Variants in GRIK1 observed in about 807,000 individuals in gnomAD.
GRIK1 encodes glutamate receptor ionotropic, kainate 1.
Under a neutral mutation model 105.7 loss-of-function variants are expected in GRIK1, and 69 were observed. The ratio of observed to expected loss-of-function variants is 0.65; its 90% CI spans 0.54 to 0.80. GRIK1 has a LOEUF of 0.80. GRIK1 is among the 30% of genes least tolerant of loss of function. The probability of loss-of-function intolerance (pLI) is 0.00; values close to 1 mark genes in which losing one functional copy is unlikely to be tolerated. For synonymous variants in GRIK1, 438 were observed against 431.3 expected (o/e 1.02, Z -0.19); for missense variants, 1,109 against 1,167.3 (o/e 0.95, Z 0.73).
At chr21:29,910,097 C>G (rs546009357) in intron 1 of GRIK1, among the ~76,000 whole-genome samples, 17 of 152,166 alleles carry the variant, frequency 1.1e-4, no homozygotes, top group Admixed American at 2.6e-4. Context: ...AAACTCCATT[C>G]TCTGTGATAT....
intron 7 of GRIK1, among the ~76,000 whole-genome samples, chr21:29,630,286 C>T (rs920767128): frequency 1.3e-5 from 2 of 152,116 alleles, no homozygotes; most frequent in African/African-American, 4.8e-5. Context: ...CTGAGATGAA[C>T]CTCTGTGACC....
At chr21:29,812,922 T>G (rs1187926476) in intron 1 of GRIK1, among the ~76,000 whole-genome samples, 2 of 152,104 alleles carry the variant, frequency 1.3e-5, no homozygotes, top group Non-Finnish European at 2.9e-5. Context: ...ACAAACATAA[T>G]GAATAGGGTT....
At chr21:29,811,712 G>T (rs759131100) in intron 1 of GRIK1, among the ~76,000 whole-genome samples, 1 of 152,068 alleles carries the variant, frequency 6.6e-6, no homozygotes, top group Non-Finnish European at 1.5e-5. Flanking sequence ...AAATCCTCCC[G>T]TGACTTCCTA....
At chr21:29,772,162 T>C (rs1234672925) in intron 1 of GRIK1, among the ~76,000 whole-genome samples, 1 of 152,180 alleles carries the variant, frequency 6.6e-6, no homozygotes, top group Non-Finnish European at 1.5e-5. Flanking sequence ...TCTTTCGAAA[T>C]GGAAATGTTT....
intron 1 of GRIK1, among the ~76,000 whole-genome samples, chr21:29,807,107 TG>T (rs1569114611): frequency 4.6e-5 from 7 of 152,190 alleles, no homozygotes; most frequent in Non-Finnish European, 7.3e-5. Context: ...CAGAACAGTG[TG>T]TTCACAATCA....
intron 14 of GRIK1, among the ~76,000 whole-genome samples, chr21:29,564,719 A>T (rs1405561559): frequency 6.6e-6 from 1 of 152,180 alleles, no homozygotes; most frequent in Non-Finnish European, 1.5e-5. Context: ...ACGAATATGT[A>T]GGTCATACCA....
chr21:29,848,779 A>ATATATATATATATATTT, intron 1 of GRIK1, among the ~76,000 whole-genome samples: 9 of 77,864 alleles, frequency 1.2e-4, no homozygotes, highest in African/African-American at 5.3e-4. Context: ...ATATATATAT[A>ATATATATATATATATTT]TTTTTTTTTT....
At chr21:29,704,737 G>A (rs1406052570) in intron 1 of GRIK1, among the ~76,000 whole-genome samples, 1 of 152,156 alleles carries the variant, frequency 6.6e-6, no homozygotes. Flanking sequence ...CTTTTTAGCA[G>A]TGATTTCTCA....
Position 29,828,011 on chromosome 21 carries a change from CTG to C in GRIK1, c.118+111370_118+111371del, listed in dbSNP as rs138594747. Among the ~76,000 whole-genome samples, 137 of 76,222 alleles carry C rather than the reference CTG, an allele frequency of 1.8e-3. 1 individual carries two copies. Among genetic ancestry groups the C allele is most frequent in the Middle Eastern group, 9.3e-3 (1 of 108 alleles). The allele number at this position is 76,222 out of a possible 152,430, so 50.0% of individuals were successfully genotyped here. A position where few individuals can be genotyped will look rare whatever the true frequency, so the allele number is the denominator to read the frequency against. ...TCTCTCTCTCTCTCTCTGTCTCTCT[CTG>C]TGTGTGTGTGTGTGTGTGTGTGGGT... On this transcript the variant is annotated intron_variant, in intron 1 of 17. Coordinates refer to ENST00000327783, the MANE Select transcript of GRIK1 (RefSeq NM_001330994.2).
At chr21:29,739,966 A>G (rs1214255880) in intron 1 of GRIK1, among the ~76,000 whole-genome samples, 1 of 152,218 alleles carries the variant, frequency 6.6e-6, no homozygotes, top group Non-Finnish European at 1.5e-5. Context: ...TGCAACACAC[A>G]TGCACATGCA....
intron 7 of GRIK1, among the ~76,000 whole-genome samples, chr21:29,638,423 T>C (rs1469425193): frequency 6.6e-6 from 1 of 152,080 alleles, no homozygotes; most frequent in Non-Finnish European, 1.5e-5. Flanking sequence ...AGATTATGGG[T>C]ACCCCACTCC....
Position 29,693,914 on chromosome 21 carries a change from A to C in GRIK1, c.268T>G (p.Phe90Val). The change falls in exon 2 of 18, where the codon TTT becomes GTT. Residue 90 changes from phenylalanine (F) to valine (V), a missense_variant. Coordinates refer to ENST00000327783, the MANE Select transcript of GRIK1 (RefSeq NM_001330994.2). ...DIQRINLFDS[F>V]EASRRACDQL... ...TAGTTACCTCTCCGCGAGGCTTCAA[A>C]ACTATCAAAAAGGTTAATTCTCTGG... The C allele has an allele frequency of 6.2e-7, 1 of 1,613,262 alleles. No individual in the cohort carries two copies. The highest frequency in any genetic ancestry group is 8.5e-7 in the Non-Finnish European group (1 of 1,179,410).
intron 8 of GRIK1, among the ~76,000 whole-genome samples, chr21:29,597,877 A>C (rs999114978): frequency 3.3e-5 from 5 of 152,322 alleles, no homozygotes; most frequent in Middle Eastern, 3.4e-3. Context: ...TGGTTAACAA[A>C]AGCAAGAAAA....
At chr21:29,889,910 A>G (rs548365302) in intron 1 of GRIK1, among the ~76,000 whole-genome samples, 41 of 152,206 alleles carry the variant, frequency 2.7e-4, no homozygotes, top group Non-Finnish European at 4.9e-4. Flanking sequence ...AATTATAAAA[A>G]TTAATAATAT....
chr21:29,624,974 G>A (rs929630734), intron 7 of GRIK1, among the ~76,000 whole-genome samples: 1 of 152,184 alleles, frequency 6.6e-6, no homozygotes, highest in Non-Finnish European at 1.5e-5. Context: ...ACTACCTCCT[G>A]TTCCTCAGGG....
Position 29,552,832 on chromosome 21 carries a change from G to A in GRIK1, c.2607+2220C>T, listed in dbSNP as rs73897700. On this transcript the variant is annotated intron_variant, in intron 16 of 17. Coordinates refer to ENST00000327783, the MANE Select transcript of GRIK1 (RefSeq NM_001330994.2). ...TTCTACAAGTAAATGTTATTTGAGAGTTTGAGGTTAATGAATTTCTGCCCA... is the reference window on the plus strand; with the variant it reads ...TTCTACAAGTAAATGTTATTTGAGAATTTGAGGTTAATGAATTTCTGCCCA... Among the ~76,000 whole-genome samples the A allele has an allele frequency of 6.1e-3, 927 of 152,140 alleles. 9 individuals carry two copies. Among genetic ancestry groups the A allele is most frequent in the African/African-American group, 0.021 (866 of 41,554 alleles).
At chr21:29,839,392 A>G (rs2067911706) in intron 1 of GRIK1, among the ~76,000 whole-genome samples, 1 of 152,200 alleles carries the variant, frequency 6.6e-6, no homozygotes, top group South Asian at 2.1e-4. Context: ...TTTGTCCATA[A>G]AGTTACTCAA....
intron 4 of GRIK1, among the ~76,000 whole-genome samples, chr21:29,658,727 G>A (rs964068893): frequency 5.3e-5 from 8 of 152,174 alleles, no homozygotes; most frequent in South Asian, 2.1e-4. Context: ...TAGTGTGGAC[G>A]TCATTAGTAC....
chr21:29,634,093 C>T (rs1240155316), intron 7 of GRIK1, among the ~76,000 whole-genome samples: 1 of 152,100 alleles, frequency 6.6e-6, no homozygotes, highest in Non-Finnish European at 1.5e-5. Context: ...ACCCAGATCC[C>T]ATACAAAATC....
Sources: allele counts gnomAD v4.1 joint callset (sites outside exome capture counted in the v4.1 genomes callset), GRCh38; gene constraint gnomAD v4.1.1; transcripts MANE v1.5; gene names NCBI Gene and HGNC (gene_info 2026-07-23, HGNC 2026-07-21).